SEMA6D: variants seen among roughly 807,000 people sequenced by gnomAD.
SEMA6D encodes the protein semaphorin-6D.
SEMA6D carries 35 observed loss-of-function variants against 106.6 expected under a neutral mutation model. The observed-to-expected ratio is 0.33, with a 90% confidence interval of 0.25 to 0.44. The LOEUF is 0.44. Ranked by LOEUF, SEMA6D falls within the 20% of genes least tolerant of loss-of-function variation. The pLI, the probability that SEMA6D is intolerant of heterozygous loss-of-function variation, is 1.00. For missense variants in SEMA6D, 1,185 were observed against 1,345.9 expected, an observed-to-expected ratio of 0.88 and a Z score of 1.87; for synonymous variants, 499 against 487.7, an observed-to-expected ratio of 1.02 and a Z score of -0.31.
At chr15:47,357,368 A>G (rs572453) in intron 1 of SEMA6D, among the ~76,000 whole-genome samples, 152,187 of 152,234 alleles carry the variant, frequency 1, 76,070 homozygotes, top group Non-Finnish European at 1. Context: ...ATAAAATGGG[A>G]CTGTGCATTA....
chr15:47,418,918 T>C (rs1362465520), intron 2 of SEMA6D, among the ~76,000 whole-genome samples: 2 of 152,168 alleles, frequency 1.3e-5, no homozygotes, highest in Non-Finnish European at 2.9e-5. Context: ...CACATTAGAC[T>C]GCGTAAGTGC....
At chr15:47,452,945 G>A (rs1308837795) in intron 2 of SEMA6D, among the ~76,000 whole-genome samples, 2 of 151,878 alleles carry the variant, frequency 1.3e-5, no homozygotes, top group African/African-American at 4.8e-5. Context: ...TTATCCCCAT[G>A]AGTTTTTTAT....
chr15:47,509,222 T>C (rs1419742798), intron 3 of SEMA6D, among the ~76,000 whole-genome samples: 1 of 152,146 alleles, frequency 6.6e-6, no homozygotes, highest in African/African-American at 2.4e-5. Flanking sequence ...CTGGTGTACC[T>C]GTGTGTTTGT....
At chr15:47,450,374 A>G (rs1360041460) in intron 2 of SEMA6D, among the ~76,000 whole-genome samples, 1 of 152,018 alleles carries the variant, frequency 6.6e-6, no homozygotes, top group East Asian at 1.9e-4. Flanking sequence ...GGACATCACC[A>G]TGCCTCTTAC....
At chr15:47,758,731 G>T (rs984657521) in intron 1 of SEMA6D, among the ~76,000 whole-genome samples, 6 of 152,058 alleles carry the variant, frequency 3.9e-5, no homozygotes, top group Non-Finnish European at 7.4e-5. Context: ...TCCCCAAAAA[G>T]TTTTTTGTAA....
chr15:47,460,653 A>C (rs895097311), intron 2 of SEMA6D, among the ~76,000 whole-genome samples: 1 of 152,092 alleles, frequency 6.6e-6, no homozygotes, highest in Admixed American at 6.6e-5. Context: ...CCTTTTGTGC[A>C]GATAATATTG....
At chr15:47,481,877 G>A (rs1010939437) in intron 3 of SEMA6D, among the ~76,000 whole-genome samples, 1 of 152,174 alleles carries the variant, frequency 6.6e-6, no homozygotes, top group Admixed American at 6.5e-5. Context: ...AGGCTGGATA[G>A]AGTGGAACTG....
At chr15:47,342,582 C>T (rs1168631072) in intron 1 of SEMA6D, among the ~76,000 whole-genome samples, 1 of 152,160 alleles carries the variant, frequency 6.6e-6, no homozygotes, top group African/African-American at 2.4e-5. Context: ...GCATAGTATT[C>T]TGAACATAGT....
rs201368884 is a variant in SEMA6D at position 47,365,890 on chromosome 15, GGAGAGA to G, written c.-238-46474_-238-46469del. Among the ~76,000 whole-genome samples, 565 of 119,816 alleles carry G rather than the reference GGAGAGA, an allele frequency of 4.7e-3. 3 individuals are homozygous for G. Among genetic ancestry groups the G allele is most frequent in the African/African-American group, 0.019 (522 of 27,312 alleles). 78.6% of individuals were successfully genotyped at this position (119,816 alleles called of 152,430 possible). A position where few individuals can be genotyped will look rare whatever the true frequency, so the allele number is the denominator to read the frequency against. On this transcript the variant is annotated intron_variant, in intron 1 of 19. Transcript: ENST00000558014. Reference sequence around the variant, plus strand: ...AAAGAAAGAAAGAGAGAGAGAGAGAGGAGAGAGAGAGAGAGAGAGAGAGAGAGAGAG... The same window carrying G: ...AAAGAAAGAAAGAGAGAGAGAGAGAGGAGAGAGAGAGAGAGAGAGAGAGAG...
chr15:47,204,407 T>C (rs1321599683), intron 1 of SEMA6D, among the ~76,000 whole-genome samples: 2 of 151,970 alleles, frequency 1.3e-5, no homozygotes, highest in Admixed American at 1.3e-4. Context: ...TGGCCAGAGG[T>C]TACTGTTTAC....
chr15:47,743,013 A>T (rs1379852375), intron 1 of SEMA6D, among the ~76,000 whole-genome samples: 1 of 152,226 alleles, frequency 6.6e-6, no homozygotes, highest in Non-Finnish European at 1.5e-5. Flanking sequence ...AGAAAGCAAC[A>T]TTCTTTTTTC....
At chr15:47,215,429 A>G (rs980230250) in intron 1 of SEMA6D, among the ~76,000 whole-genome samples, 1 of 152,126 alleles carries the variant, frequency 6.6e-6, no homozygotes, top group Admixed American at 6.5e-5. Context: ...CATTTTTCAA[A>G]TAATGTATGT....
At chr15:47,690,789 A>G (rs1596646373) in intron 4 of SEMA6D, among the ~76,000 whole-genome samples, 1 of 134,922 alleles carries the variant, frequency 7.4e-6, no homozygotes, top group East Asian at 2.1e-4. Context: ...AAACCGGGCT[A>G]TTTTTTAACA....
At position 47,677,255 on chromosome 15, in the gene SEMA6D, A is replaced by G. The variant is rs966107631; in HGVS notation, c.-55+76359A>G. ...AAGAAAGCTTCACTTCTTGACTAAC[A>G]GTAGGTGCTGGTTATAGGCTGGGAG... On this transcript the variant is annotated intron_variant, in intron 4 of 19. Coordinates refer to the SEMA6D transcript ENST00000558014. Among the ~76,000 whole-genome samples, 9 of 152,310 alleles carry G rather than the reference A, an allele frequency of 5.9e-5. No homozygotes were observed. In the South Asian group the frequency reaches 1.5e-3, roughly 25 times the overall value.
At chr15:47,745,443 T>G (rs1412569178) in intron 1 of SEMA6D, among the ~76,000 whole-genome samples, 1 of 152,232 alleles carries the variant, frequency 6.6e-6, no homozygotes, top group African/African-American at 2.4e-5. Context: ...AGAGCCATGT[T>G]CTCTACCCCG....
At chr15:47,249,120 C>T (rs1010628726) in intron 1 of SEMA6D, among the ~76,000 whole-genome samples, 2 of 152,068 alleles carry the variant, frequency 1.3e-5, no homozygotes, top group African/African-American at 2.4e-5. Flanking sequence ...CCCAGCTACT[C>T]GGGTGGCTGA....
At chr15:47,720,269 T>C (rs893007068) in intron 1 of SEMA6D, among the ~76,000 whole-genome samples, 2 of 140,772 alleles carry the variant, frequency 1.4e-5, no homozygotes, top group South Asian at 4.3e-4. Context: ...TTCTTTTTTT[T>C]TTTTTTTTTT....
intron 2 of SEMA6D, among the ~76,000 whole-genome samples, chr15:47,422,561 A>G (rs571429055): frequency 6.6e-6 from 1 of 152,160 alleles, no homozygotes; most frequent in African/African-American, 2.4e-5. Context: ...TTCTGGTGCT[A>G]GAAGAAACTT....
chr15:47,754,655 G>A (rs567471392), intron 1 of SEMA6D, among the ~76,000 whole-genome samples: 1 of 152,220 alleles, frequency 6.6e-6, no homozygotes, highest in Non-Finnish European at 1.5e-5. Context: ...TCTTGAATGT[G>A]TGGCTTATAA....
Sources: gnomAD v4.1 joint callset for allele counts (sites outside exome capture counted in the v4.1 genomes callset) on GRCh38, gnomAD v4.1.1 for gene constraint, MANE v1.5 for transcripts, NCBI Gene and HGNC (gene_info 2026-07-23, HGNC 2026-07-21) for gene names.